The following TEX2 variants were observed in gnomAD, a reference collection of about 807,000 sequenced individuals.
The protein encoded by TEX2 is testis-expressed protein 2.
TEX2 carries 53 observed loss-of-function variants against 106.9 expected under a neutral mutation model. That is an observed-to-expected ratio of 0.50 (90% CI 0.40 to 0.62). The LOEUF is 0.62. TEX2 is among the 20% of genes least tolerant of loss of function. TEX2 has a pLI of 0.00. For missense variants in TEX2, 1,207 were observed against 1,379.0 expected (o/e 0.88, Z 1.98); for synonymous variants, 523 against 534.8 (o/e 0.98, Z 0.30).
intron 8 of TEX2, chr17:64,155,866 C>T (rs2030600371): frequency 6.6e-6 from 1 of 152,306 alleles, no homozygotes; most frequent in African/African-American, 2.4e-5. Flanking sequence ...CCTCCCTGGA[C>T]CGTGGCTTTG....
At chr17:64,186,609 G>C (rs1294492394) in intron 5 of TEX2, among the ~76,000 whole-genome samples, 1 of 152,174 alleles carries the variant, frequency 6.6e-6, no homozygotes, top group South Asian at 2.1e-4. Flanking sequence ...TTGAGCTCAG[G>C]AGTTCAAGAC....
At chr17:64,222,249 G>A (rs975837019) in intron 1 of TEX2, among the ~76,000 whole-genome samples, 9 of 152,072 alleles carry the variant, frequency 5.9e-5, no homozygotes, top group African/African-American at 1.4e-4. Context: ...GGTCAGGCGC[G>A]GTGGCTCACG....
chr17:64,238,412 T>A (rs1328862779), intron 1 of TEX2, among the ~76,000 whole-genome samples: 3 of 152,260 alleles, frequency 2.0e-5, no homozygotes, highest in African/African-American at 7.2e-5. Flanking sequence ...CTATTCAAGA[T>A]AAAAATTATT....
At chr17:64,171,496 G>A (rs1432238086) in intron 6 of TEX2, among the ~76,000 whole-genome samples, 2 of 151,990 alleles carry the variant, frequency 1.3e-5, no homozygotes, top group Admixed American at 1.3e-4. Flanking sequence ...CATCAAGCAG[G>A]TAATGGGCAG....
intron 1 of TEX2, among the ~76,000 whole-genome samples, chr17:64,262,148 G>T (rs2034298447): frequency 1.3e-5 from 2 of 152,232 alleles, no homozygotes; most frequent in South Asian, 4.1e-4. Context: ...ATGGTGTGAA[G>T]ACGCTGGCAC....
Position 64,188,320 on chromosome 17 carries a change from G to C in TEX2, c.2272C>G (p.Gln758Glu), listed in dbSNP as rs1342742870. 1 of 1,614,176 alleles carries C rather than the reference G, an allele frequency of 6.2e-7. No homozygotes were observed. The highest frequency in any genetic ancestry group is 1.1e-5 in the South Asian group (1 of 91,088). ...SKGSVEEIMSQPKQKELAGSV... is the reference protein window; with the variant it reads ...SKGSVEEIMSEPKQKELAGSV... ...CCTGCCAGCTCCTTCTGCTTTGGCT[G>C]TGACATGATCTCCTCCACACTGCCT... The change falls in exon 5 of 12, where the codon CAG (glutamine) becomes GAG (glutamate). Residue 758 changes from glutamine (Q) to glutamate (E), a missense_variant. Transcript: ENST00000584379.
intron 1 of TEX2, among the ~76,000 whole-genome samples, chr17:64,225,529 C>T (rs1312285514): frequency 6.6e-6 from 1 of 152,138 alleles, no homozygotes; most frequent in Non-Finnish European, 1.5e-5. Flanking sequence ...TTTCCATGTA[C>T]TTTTCACCAA....
At chr17:64,243,354 A>G (rs2033925995) in intron 1 of TEX2, among the ~76,000 whole-genome samples, 1 of 152,204 alleles carries the variant, frequency 6.6e-6, no homozygotes. Context: ...AACCAGGAAA[A>G]TGAATACAGA....
rs758281484 is a variant in TEX2, at chr17:64,193,688, G to C, written c.2047C>G (p.Arg683Gly). 7 of 1,604,364 alleles carry C rather than the reference G, an allele frequency of 4.4e-6. No homozygotes were observed. In the South Asian group the frequency reaches 6.7e-5, roughly 15 times the overall value. The change falls in exon 4 of 12, where the codon CGA becomes GGA. Residue 683 changes from arginine (R) to glycine (G), a missense_variant. Physicochemically the swap from Arg to Gly is moderately radical, Grantham distance 125. Around this residue, in one of 3 missense-constraint regions of TEX2, gnomAD observed 1,067 missense variants for 1,193.6 expected, o/e 0.89. Coordinates refer to ENST00000584379, the MANE Select transcript of TEX2 (RefSeq NM_001288732.2). ...CCAAAGAGATAGAGTATCTGATCTCGCTGGCTAGATCTTGTTCCCTCCTGA... is the reference window on the plus strand; with the variant it reads ...CCAAAGAGATAGAGTATCTGATCTCCCTGGCTAGATCTTGTTCCCTCCTGA... ...RPQEGTRSSQ[R>G]DQILYLFGRT...
rs192974283 is a variant in TEX2, at chr17:64,183,733, T to C, written c.2424+4435A>G. Among the ~76,000 whole-genome samples, 825 of 152,252 alleles carry C rather than the reference T, an allele frequency of 5.4e-3. 6 individuals carry two copies. The highest frequency in any genetic ancestry group is 8.3e-3 in the Non-Finnish European group (567 of 68,008). Reference sequence around the variant, plus strand: ...GTGAGCCACCGCACCCGGCCAAGGATTCCAATTTCTCTACATCCTCACTAA... The same window carrying C: ...GTGAGCCACCGCACCCGGCCAAGGACTCCAATTTCTCTACATCCTCACTAA... On this transcript the variant is annotated intron_variant, in intron 5 of 11. Transcript: ENST00000584379.
intron 9 of TEX2, among the ~76,000 whole-genome samples, chr17:64,154,022 A>G (rs1162464229): frequency 6.6e-6 from 1 of 152,218 alleles, no homozygotes; most frequent in Non-Finnish European, 1.5e-5. Context: ...CACATGTACC[A>G]TGAGACTCAG....
At chr17:64,254,048 A>T (rs1278772741) in intron 1 of TEX2, among the ~76,000 whole-genome samples, 1 of 152,186 alleles carries the variant, frequency 6.6e-6, no homozygotes, top group East Asian at 1.9e-4. Flanking sequence ...GCTGGGGCTC[A>T]TCTTACCTTC....
intron 5 of TEX2, among the ~76,000 whole-genome samples, chr17:64,181,471 TCAAA>T (rs1188218494): frequency 0.72 from 83,863 of 117,154 alleles, 29,781 homozygotes; most frequent in East Asian, 0.84. Flanking sequence ...CAAGGCTATC[TCAAA>T]AAAAAAAAAA....
intron 11 of TEX2, chr17:64,149,337 T>A (rs1384725905): frequency 6.7e-6 from 3 of 445,068 alleles, no homozygotes; most frequent in Non-Finnish European, 8.1e-6. Context: ...TGATTTTGTA[T>A]ACATATAATA....
At position 64,188,240 on chromosome 17, in the gene TEX2, G is replaced by T. The variant is rs1284044046; in HGVS notation, c.2352C>A (p.Val784=). Residue 784 remains valine, a synonymous_variant, in exon 5 of 12, where the codon GTC becomes GTA. Coordinates refer to ENST00000584379, the MANE Select transcript of TEX2 (RefSeq NM_001288732.2). ...TCTGGGGGCTTCGGCTTTCCTGGGG[G>T]ACACACCTGCCCATGTACACGCTGT... The part of the protein sequence containing the change: ...LDYSVYMGRC[V]PQESRSPQRS... 4 of 1,613,638 alleles carry T rather than the reference G, an allele frequency of 2.5e-6. No individual in the cohort carries two copies. The highest frequency in any genetic ancestry group is 2.2e-5 in the East Asian group (1 of 44,878).
At chr17:64,150,682 G>T in intron 11 of TEX2, 159 bp downstream of exon 11, 3 of 735,152 alleles carry the variant, frequency 4.1e-6, no homozygotes, top group Non-Finnish European at 6.3e-6. Flanking sequence ...TGTACCTGAA[G>T]TTTTATTCCC....
chr17:64,173,632 A>G (rs977939742), intron 6 of TEX2, among the ~76,000 whole-genome samples: 8 of 152,318 alleles, frequency 5.3e-5, no homozygotes, highest in East Asian at 1.9e-4. Flanking sequence ...CTATATTTGG[A>G]GAACCTTTTT....
chr17:64,174,681 C>T (rs367668349), intron 6 of TEX2, among the ~76,000 whole-genome samples: 3 of 152,190 alleles, frequency 2.0e-5, no homozygotes, highest in Non-Finnish European at 4.4e-5. Flanking sequence ...GGGTATGGGA[C>T]GTTCTCAGGC....
chr17:64,167,360 G>A (rs901397468), intron 7 of TEX2, among the ~76,000 whole-genome samples: 6 of 152,158 alleles, frequency 3.9e-5, no homozygotes, highest in Non-Finnish European at 8.8e-5. Context: ...CACTATGGCC[G>A]CCTCCATGCT....
Sources: gnomAD v4.1 joint callset for allele counts (sites outside exome capture counted in the v4.1 genomes callset) on GRCh38, gnomAD v4.1.1 for gene constraint, gnomAD v4.1.1 regional missense constraint, MANE v1.5 for transcripts, NCBI Gene and HGNC (gene_info 2026-07-23, HGNC 2026-07-21) for gene names.